KCNIP1: variants seen among roughly 807,000 people sequenced by gnomAD.
KCNIP1 encodes A-type potassium channel modulatory protein KCNIP1.
A neutral mutation model predicts 33.0 loss-of-function variants in KCNIP1; 18 were observed. That is an observed-to-expected ratio of 0.55 (90% CI 0.38 to 0.81). KCNIP1 has a LOEUF of 0.81. Among genes scored for constraint, KCNIP1 ranks in the 30% least tolerant of loss-of-function variants. The probability of loss-of-function intolerance (pLI) is 0.00; values close to 1 mark genes in which losing one functional copy is unlikely to be tolerated. For missense variants in KCNIP1, 238 were observed against 271.6 expected (o/e 0.88, Z 0.87); for synonymous variants, 93 against 98.3 (o/e 0.95, Z 0.32).
At chr5:170,558,193 C>T (rs1756906243) in intron 1 of KCNIP1, among the ~76,000 whole-genome samples, 1 of 152,086 alleles carries the variant, frequency 6.6e-6, no homozygotes, top group South Asian at 2.1e-4. Context: ...AAGTGCCACC[C>T]ACGATCAAGG....
chr5:170,586,926 T>G (rs1004016959), intron 1 of KCNIP1, among the ~76,000 whole-genome samples: 17 of 152,218 alleles, frequency 1.1e-4, no homozygotes, highest in Non-Finnish European at 4.4e-5. Context: ...ACAGAATAGA[T>G]GAGCTCTCTC....
intron 1 of KCNIP1, among the ~76,000 whole-genome samples, chr5:170,425,940 C>T (rs1163301029): frequency 6.6e-6 from 1 of 152,218 alleles, no homozygotes; most frequent in African/African-American, 2.4e-5. Context: ...TCCTGAATTG[C>T]AGCACTGGTC....
chr5:170,504,515 C>T lies in KCNIP1; in HGVS notation c.-58C>T. 1 of 1,607,068 alleles carries T rather than the reference C, an allele frequency of 6.2e-7. No individual in the cohort carries two copies. On this transcript the variant is annotated 5_prime_UTR_variant, in exon 1 of 8. Transcript: ENST00000328939. This position sits in a 1 kb window ranked among gnomAD's most constrained non-coding sequence, Gnocchi z 6.0. Reference sequence around the variant, plus strand: ...GTAGACAAACCACGGGGATTTCTTTCCAGGGTAGGGGAGGGGCCGGGCCCG... The same window carrying T: ...GTAGACAAACCACGGGGATTTCTTTTCAGGGTAGGGGAGGGGCCGGGCCCG...
chr5:170,443,422 G>A (rs147911608), intron 1 of KCNIP1, among the ~76,000 whole-genome samples: 27 of 152,348 alleles, frequency 1.8e-4, no homozygotes, highest in African/African-American at 6.3e-4. Context: ...GAAGTGGGAA[G>A]AAAGCAGGGC....
At chr5:170,612,992 G>A (rs1418073565) in intron 1 of KCNIP1, among the ~76,000 whole-genome samples, 1 of 152,082 alleles carries the variant, frequency 6.6e-6, no homozygotes, top group Non-Finnish European at 1.5e-5. Flanking sequence ...GGTCCCATCC[G>A]CTCTTCACAT....
chr5:170,487,249 C>A, intron 1 of KCNIP1, among the ~76,000 whole-genome samples: 1 of 152,158 alleles, frequency 6.6e-6, no homozygotes, highest in East Asian at 1.9e-4. Flanking sequence ...CTTCAGCTGA[C>A]TCAATGAAGT....
At chr5:170,503,724 TCACACACACA>T (rs70979180), upstream of KCNIP1, among the ~76,000 whole-genome samples, 38,242 of 136,640 alleles carry the variant, frequency 0.28, 5,211 homozygotes, top group South Asian at 0.36. Flanking sequence ...CGCACGCACA[TCACACACACA>T]CACACACACA....
chr5:170,543,350 G>A (rs539099473), intron 1 of KCNIP1, among the ~76,000 whole-genome samples: 2 of 152,260 alleles, frequency 1.3e-5, no homozygotes, highest in South Asian at 4.1e-4. Flanking sequence ...ACTATTTACT[G>A]TGATAGTGAA....
chr5:170,479,082 C>A (rs189210244), intron 1 of KCNIP1, among the ~76,000 whole-genome samples: 5 of 152,318 alleles, frequency 3.3e-5, no homozygotes, highest in Admixed American at 2.0e-4. Flanking sequence ...AGAAAGGACT[C>A]CACTCCTTTG....
At chr5:170,683,872 C>A (rs1762445627) in intron 1 of KCNIP1, among the ~76,000 whole-genome samples, 1 of 150,418 alleles carries the variant, frequency 6.6e-6, no homozygotes. Flanking sequence ...TACAGGCATA[C>A]ACCACTATGC....
At chr5:170,562,151 G>C (rs145468179) in intron 1 of KCNIP1, among the ~76,000 whole-genome samples, 1 of 152,150 alleles carries the variant, frequency 6.6e-6, no homozygotes, top group Admixed American at 6.5e-5. Context: ...AGAGGCAGCC[G>C]GCCCACCCTG....
chr5:170,545,067 C>T (rs764223661), intron 1 of KCNIP1, among the ~76,000 whole-genome samples: 21 of 152,194 alleles, frequency 1.4e-4, no homozygotes, highest in South Asian at 2.1e-4. Context: ...AGTGTGATGG[C>T]ACTAAATTTT....
intron 1 of KCNIP1, among the ~76,000 whole-genome samples, chr5:170,434,122 G>A (rs1026986837): frequency 5.3e-5 from 8 of 152,052 alleles, no homozygotes; most frequent in African/African-American, 1.9e-4. Context: ...ACTGGCTATC[G>A]GGCCCCAAAC....
At chr5:170,383,893 G>C in intron 1 of KCNIP1, 1 of 1,598,378 alleles carries the variant, frequency 6.3e-7, no homozygotes, top group Non-Finnish European at 8.5e-7. Flanking sequence ...TCTCAGAACT[G>C]GGTGACACAC....
At chr5:170,474,163 AG>A (rs1485135865) in intron 1 of KCNIP1, among the ~76,000 whole-genome samples, 1 of 152,242 alleles carries the variant, frequency 6.6e-6, no homozygotes, top group Non-Finnish European at 1.5e-5. Context: ...AATCTGTATC[AG>A]GAAGAGGGCT....
At chr5:170,448,725 C>T (rs1756176827) in intron 1 of KCNIP1, among the ~76,000 whole-genome samples, 1 of 152,192 alleles carries the variant, frequency 6.6e-6, no homozygotes, top group Non-Finnish European at 1.5e-5. Context: ...ACCCCTCTTT[C>T]CCTCTGGTTG....
At chr5:170,702,091 G>A (rs1763117948) in intron 1 of KCNIP1, among the ~76,000 whole-genome samples, 1 of 152,162 alleles carries the variant, frequency 6.6e-6, no homozygotes, top group Admixed American at 6.5e-5. Flanking sequence ...TGCCTCCCAT[G>A]ACCCATGTCT....
At chr5:170,641,189 A>G (rs73317401) in intron 1 of KCNIP1, among the ~76,000 whole-genome samples, 2,181 of 152,228 alleles carry the variant, frequency 0.014, 50 homozygotes, top group East Asian at 0.074. Context: ...GCTTATGGGC[A>G]TGGCTTCCCC....
intron 1 of KCNIP1, among the ~76,000 whole-genome samples, chr5:170,379,178 T>G (rs1313890197): frequency 2.0e-5 from 3 of 152,078 alleles, no homozygotes; most frequent in Non-Finnish European, 4.4e-5. Flanking sequence ...ATGGCGGTGC[T>G]GGAGCTGCTC....
Sources: allele counts gnomAD v4.1 joint callset (sites outside exome capture counted in the v4.1 genomes callset), GRCh38; gene constraint gnomAD v4.1.1; non-coding constraint Gnocchi (gnomAD v3.1); transcripts MANE v1.5; gene names NCBI Gene and HGNC (gene_info 2026-07-23, HGNC 2026-07-21).